Variants in LTBP1 observed in about 807,000 individuals in gnomAD.
LTBP1 encodes the protein latent-transforming growth factor beta-binding protein 1.
In LTBP1, 129 loss-of-function variants were observed where a neutral mutation model predicts 207.6. That is an observed-to-expected ratio of 0.62 (90% CI 0.54 to 0.72). The LOEUF is 0.72. LTBP1 is among the 30% of genes least tolerant of loss of function. The pLI is 0.00. For synonymous variants in LTBP1, 963 were observed against 833.7 expected (o/e 1.16, Z -2.67); for missense variants, 2,281 against 2,217.2 (o/e 1.03, Z -0.58).
chr2:33,068,736 C>T (rs780667112), intron 3 of LTBP1, among the ~76,000 whole-genome samples: 11 of 152,170 alleles, frequency 7.2e-5, no homozygotes, highest in Admixed American at 5.9e-4. Flanking sequence ...AAAAGAATAT[C>T]ATTCTTCACA....
At chr2:33,347,628 G>C in intron 26 of LTBP1, 118 bp downstream of exon 26, 1 of 1,215,222 alleles carries the variant, frequency 8.2e-7, no homozygotes, top group Non-Finnish European at 1.2e-6. Context: ...TCCTGACACA[G>C]TGCTGTCTCT....
chr2:32,969,493 T>C lies in LTBP1; in HGVS notation c.565+20548T>C, dbSNP rs1177489530. ...TTTATGTCCATGTGTACTTGATGTT[T>C]AGCTCCCACTTGGAAGTAAGAACAT... On this transcript the variant is annotated intron_variant, in intron 2 of 33. Transcript: ENST00000404816. Among the ~76,000 whole-genome samples the C allele has an allele frequency of 3.9e-5, 6 of 152,282 alleles. No individual in the cohort carries two copies. The East Asian group carries it at 1.2e-3, about 29-fold the overall frequency.
At chr2:33,100,275 T>C in intron 3 of LTBP1, among the ~76,000 whole-genome samples, 1 of 152,150 alleles carries the variant, frequency 6.6e-6, no homozygotes, top group Non-Finnish European at 1.5e-5. Flanking sequence ...ATGAAGTTGA[T>C]AACATGTGGG....
At chr2:33,099,501 C>A (rs1043952830) in intron 3 of LTBP1, among the ~76,000 whole-genome samples, 3 of 152,126 alleles carry the variant, frequency 2.0e-5, no homozygotes, top group Non-Finnish European at 4.4e-5. Context: ...TTTGGAGCTA[C>A]AGTTCTTGAT....
intron 20 of LTBP1, among the ~76,000 whole-genome samples, chr2:33,296,495 G>A (rs1034040495): frequency 1.1e-4 from 16 of 152,088 alleles, no homozygotes; most frequent in African/African-American, 3.9e-4. Flanking sequence ...GACCTTGGGT[G>A]AATAATCTCA....
chr2:33,309,431 T>C lies in LTBP1; in HGVS notation c.3482-3T>C, dbSNP rs986639269. 6.3e-7 allele frequency: 1 copy of C among 1,584,604 alleles called. No homozygotes were observed. Among genetic ancestry groups the C allele is most frequent in the African/African-American group, 1.4e-5 (1 of 72,970 alleles). ...CTTTAAAAATTTTTAAATTGGTTTT[T>C]AGATATCAATGAATGCTTGGAGGAC... On this transcript the variant is annotated splice_polypyrimidine_tract_variant and splice_region_variant and intron_variant, in intron 22 of 33. Transcript: ENST00000404816.
chr2:33,357,055 G>A (rs945201739), intron 26 of LTBP1, among the ~76,000 whole-genome samples: 1 of 152,198 alleles, frequency 6.6e-6, no homozygotes, highest in Non-Finnish European at 1.5e-5. Context: ...AATGGAAAGG[G>A]AGAGCCCATT....
At chr2:33,350,781 C>T (rs2094770712) in intron 26 of LTBP1, among the ~76,000 whole-genome samples, 1 of 146,680 alleles carries the variant, frequency 6.8e-6, no homozygotes, top group Non-Finnish European at 1.5e-5. Context: ...TCCTTAGTGC[C>T]TGTGATAATT....
chr2:33,052,172 G>T (rs372254212), intron 3 of LTBP1, among the ~76,000 whole-genome samples: 5 of 152,246 alleles, frequency 3.3e-5, no homozygotes, highest in East Asian at 3.8e-4. Context: ...TGGGTGTCCA[G>T]TGGAGGGCCA....
intron 24 of LTBP1, among the ~76,000 whole-genome samples, chr2:33,319,681 G>T (rs781160668): frequency 6.6e-6 from 1 of 152,074 alleles, no homozygotes; most frequent in African/African-American, 2.4e-5. Context: ...TGTGACTGCC[G>T]TGGAGTCCGG....
intron 32 of LTBP1, among the ~76,000 whole-genome samples, chr2:33,395,144 A>G (rs2095347586): frequency 6.6e-6 from 1 of 152,226 alleles, no homozygotes. Flanking sequence ...TACTGAGTGC[A>G]GACATTGTGT....
intron 18 of LTBP1, among the ~76,000 whole-genome samples, chr2:33,277,898 C>T (rs990663226): frequency 2.1e-5 from 3 of 146,074 alleles, no homozygotes; most frequent in African/African-American, 7.7e-5. Context: ...GGTGCGATCT[C>T]AGCTCACTGC....
intron 7 of LTBP1, among the ~76,000 whole-genome samples, chr2:33,198,914 T>C (rs1328747196): frequency 6.6e-6 from 1 of 152,214 alleles, no homozygotes; most frequent in Non-Finnish European, 1.5e-5. Context: ...TCTGCTCTGA[T>C]TTTAGTTATT....
chr2:32,950,818 A>G (rs1676990734), intron 2 of LTBP1, among the ~76,000 whole-genome samples: 1 of 152,234 alleles, frequency 6.6e-6, no homozygotes, highest in Non-Finnish European at 1.5e-5. Flanking sequence ...TGCTTGGCAA[A>G]TGATGCAATT....
intron 9 of LTBP1, among the ~76,000 whole-genome samples, chr2:33,242,845 C>G (rs186685087): frequency 2.6e-5 from 4 of 152,236 alleles, no homozygotes; most frequent in African/African-American, 9.6e-5. Context: ...GTGAATTTTC[C>G]TAGAGTCTGT....
chr2:33,263,723 G>A (rs1401569556), intron 15 of LTBP1, among the ~76,000 whole-genome samples: 1 of 152,112 alleles, frequency 6.6e-6, no homozygotes, highest in Non-Finnish European at 1.5e-5. Flanking sequence ...GGAGGCCAAG[G>A]CAGGCAGATC....
At chr2:33,030,430 CT>C (rs2075640659) in intron 3 of LTBP1, among the ~76,000 whole-genome samples, 1 of 152,094 alleles carries the variant, frequency 6.6e-6, no homozygotes, top group South Asian at 2.1e-4. Flanking sequence ...TATTTATCTC[CT>C]GGCTTAATGA....
intron 2 of LTBP1, among the ~76,000 whole-genome samples, chr2:33,020,026 A>C (rs928836745): frequency 6.6e-6 from 1 of 152,022 alleles, no homozygotes; most frequent in African/African-American, 2.4e-5. Flanking sequence ...ATAACTTTAA[A>C]ACTCTGTTTG....
intron 3 of LTBP1, among the ~76,000 whole-genome samples, chr2:33,075,040 G>A (rs2078007973): frequency 6.6e-6 from 1 of 152,156 alleles, no homozygotes; most frequent in Admixed American, 6.5e-5. Context: ...GACAAAGTGA[G>A]ACTCCGTCTC....
Sources: allele counts gnomAD v4.1 joint callset (sites outside exome capture counted in the v4.1 genomes callset), GRCh38; gene constraint gnomAD v4.1.1; transcripts MANE v1.5; gene names NCBI Gene and HGNC (gene_info 2026-07-23, HGNC 2026-07-21).